The following ATP23 variants were observed in gnomAD, a reference collection of about 807,000 sequenced individuals.
ATP23 encodes the protein ATP23 metallopeptidase and ATP synthase assembly factor homolog.
In ATP23, 24 loss-of-function variants were observed where a neutral mutation model predicts 28.5. The observed-to-expected ratio is 0.84, with a 90% CI of 0.61 to 1.18. The LOEUF (loss-of-function observed/expected upper bound fraction) is 1.18. ATP23 is among the 50% of genes most tolerant of loss of function. The pLI is 0.00. For missense variants in ATP23, 274 were observed against 306.4 expected, an observed-to-expected ratio of 0.89 and a Z score of 0.79; for synonymous variants, 99 against 108.6, an observed-to-expected ratio of 0.91 and a Z score of 0.55.
intron 4 of ATP23, 96 bp downstream of exon 4, chr12:57,951,991 G>A (rs1956820813): frequency 1.4e-6 from 2 of 1,473,360 alleles, no homozygotes; most frequent in Admixed American, 3.8e-5. Flanking sequence ...TACTGTCATA[G>A]TTCTACCTTA....
chr12:57,952,419 C>A (rs1331236329), intron 4 of ATP23, among the ~76,000 whole-genome samples: 20 of 152,120 alleles, frequency 1.3e-4, no homozygotes, highest in Non-Finnish European at 1.5e-5. Flanking sequence ...AACTAGCTTG[C>A]CCAGCTGCCT....
intron 1 of ATP23, among the ~76,000 whole-genome samples, chr12:57,944,380 A>G (rs781734553): frequency 3.9e-5 from 6 of 152,030 alleles, no homozygotes; most frequent in Non-Finnish European, 8.8e-5. Flanking sequence ...GTGCATTTAT[A>G]TTCTCAGACA....
chr12:57,947,334 A>G (rs1236639599), intron 3 of ATP23, among the ~76,000 whole-genome samples: 5 of 152,334 alleles, frequency 3.3e-5, no homozygotes, highest in South Asian at 2.1e-4. Context: ...GGTTACCACA[A>G]TGGAACAGTG....
At chr12:57,954,687 C>G (rs1395916101) in intron 5 of ATP23, among the ~76,000 whole-genome samples, 4 of 152,070 alleles carry the variant, frequency 2.6e-5, no homozygotes, top group Non-Finnish European at 5.9e-5. Flanking sequence ...CAGTCATTTT[C>G]TACAGTAAGA....
At chr12:57,951,396 G>C (rs552101232) in intron 3 of ATP23, among the ~76,000 whole-genome samples, 1 of 152,298 alleles carries the variant, frequency 6.6e-6, no homozygotes, top group South Asian at 2.1e-4. Context: ...GCTGGAATTT[G>C]AATCTGTGTG....
At chr12:57,956,465 GAGA>G (rs1163518474) in intron 5 of ATP23, among the ~76,000 whole-genome samples, 2 of 152,162 alleles carry the variant, frequency 1.3e-5, no homozygotes, top group African/African-American at 4.8e-5. Context: ...TGAGAAAATG[GAGA>G]AGGTCTTACT....
At chr12:57,950,212 A>G (rs1383215471) in intron 3 of ATP23, among the ~76,000 whole-genome samples, 2 of 152,178 alleles carry the variant, frequency 1.3e-5, no homozygotes, top group Admixed American at 1.3e-4. Flanking sequence ...CTTTATCCTG[A>G]GAGCTTCCCA....
intron 1 of ATP23, among the ~76,000 whole-genome samples, chr12:57,942,527 C>T (rs1017188094): frequency 3.9e-5 from 6 of 151,974 alleles, no homozygotes; most frequent in East Asian, 1.9e-4. Flanking sequence ...GGGTTCACGC[C>T]GTTCTCCTGC....
intron 4 of ATP23, among the ~76,000 whole-genome samples, chr12:57,952,721 A>G (rs1592279162): frequency 1.3e-5 from 2 of 152,184 alleles, no homozygotes; most frequent in Admixed American, 1.3e-4. Context: ...CTGAAACCTG[A>G]ATTTTTAAAT....
At chr12:57,944,319 T>G (rs1419024531) in intron 1 of ATP23, among the ~76,000 whole-genome samples, 1 of 152,224 alleles carries the variant, frequency 6.6e-6, no homozygotes, top group Non-Finnish European at 1.5e-5. Flanking sequence ...ACATTTTTTT[T>G]AAACCTTAGT....
In ATP23 at chr12:57,958,396, G is replaced by C. The variant is rs1164176453; in HGVS notation, c.*1506G>C. On this transcript the variant is annotated 3_prime_UTR_variant, in exon 6 of 6. Transcript: ENST00000300145. ...ATACTACCACAACTGATGCTCTCTGGAAAGCGCTACCTCCTGGCAGGAGGC... is the reference window on the plus strand; with the variant it reads ...ATACTACCACAACTGATGCTCTCTGCAAAGCGCTACCTCCTGGCAGGAGGC... Among the ~76,000 whole-genome samples the C allele has an allele frequency of 6.6e-6, 1 of 152,146 alleles. No individual in the cohort carries two copies. The highest frequency in any genetic ancestry group is 1.9e-4 in the East Asian group (1 of 5,190).
At chr12:57,953,976 C>T (rs905461307) in intron 5 of ATP23, among the ~76,000 whole-genome samples, 17 of 151,908 alleles carry the variant, frequency 1.1e-4, no homozygotes, top group African/African-American at 2.2e-4. Context: ...GGGCGGATCA[C>T]GAGGTCAGGA....
chr12:57,953,742 A>G lies in ATP23; in HGVS notation c.537+53A>G. 4 of 1,447,186 alleles carry G rather than the reference A, an allele frequency of 2.8e-6. No individual in the cohort carries two copies. The South Asian group carries it at 4.6e-5, about 17-fold the overall frequency. The allele number at this position is 1,447,186 out of a possible 1,614,324, so 89.6% of individuals were successfully genotyped here. A position where few individuals can be genotyped will look rare whatever the true frequency, so the allele number is the denominator to read the frequency against. ...CTCCAGAGTGTTACGAGTGGAAATA[A>G]TGAATAAAGAAATGAAAAGTACATT... On this transcript the variant is annotated intron_variant, in intron 5 of 5. Transcript: ENST00000300145.
At chr12:57,946,426 G>A (rs1956761222) in intron 2 of ATP23, among the ~76,000 whole-genome samples, 2 of 151,070 alleles carry the variant, frequency 1.3e-5, no homozygotes, top group African/African-American at 4.9e-5. Context: ...CTTGCAATAT[G>A]GCCATAATCA....
chr12:57,946,100 A>C (rs1956757993), intron 2 of ATP23, among the ~76,000 whole-genome samples: 1 of 152,060 alleles, frequency 6.6e-6, no homozygotes, highest in African/African-American at 2.4e-5. Flanking sequence ...TCCTGTCCTC[A>C]AGTGATCCAC....
chr12:57,954,473 T>C (rs985031723), intron 5 of ATP23, among the ~76,000 whole-genome samples: 12 of 152,170 alleles, frequency 7.9e-5, no homozygotes, highest in African/African-American at 2.9e-4. Context: ...GACTTGAGTA[T>C]GATGAGCTTA....
rs990458809 is a variant in ATP23 at position 57,958,152 on chromosome 12, C to T, written c.*1262C>T. Among the ~76,000 whole-genome samples the T allele has an allele frequency of 6.6e-6, 1 of 152,094 alleles. No homozygotes were observed. Among genetic ancestry groups the T allele is most frequent in the African/African-American group, 2.4e-5 (1 of 41,418 alleles). On this transcript the variant is annotated 3_prime_UTR_variant, in exon 6 of 6. Coordinates refer to ENST00000300145, the MANE Select transcript of ATP23 (RefSeq NM_033276.4). The stretch of plus-strand genomic sequence containing the variant: ...GACAACCTGCATGACTCCCCAGAGG[C>T]AGTCATAATCCTCCTAGGGACACAA...
At position 57,951,852 on chromosome 12, in the gene ATP23, A is replaced by T; in HGVS notation, c.410A>T (p.His137Leu). The change falls in exon 4 of 6, where the codon CAT (histidine) becomes CTT (leucine). Residue 137 changes from histidine to leucine, a missense_variant. Transcript: ENST00000300145. ...CATGCATTTGATCATTGTCGTGCCC[A>T]TGTCGACTGGTTCACCAACATCAGA... ...LIHAFDHCRA[H>L]VDWFTNIRHL... is the part of the protein sequence containing the mutation. 1 of 1,614,182 alleles carries T rather than the reference A, an allele frequency of 6.2e-7. No homozygotes were observed. Among genetic ancestry groups the T allele is most frequent in the South Asian group, 1.1e-5 (1 of 91,086 alleles).
At chr12:57,949,018 C>T (rs1956790712) in intron 3 of ATP23, among the ~76,000 whole-genome samples, 1 of 152,142 alleles carries the variant, frequency 6.6e-6, no homozygotes, top group Non-Finnish European at 1.5e-5. Context: ...TATTTCGTTT[C>T]CCTGTTATAT....
Sources: gnomAD v4.1 joint callset for allele counts (sites outside exome capture counted in the v4.1 genomes callset) on GRCh38, gnomAD v4.1.1 for gene constraint, MANE v1.5 for transcripts, NCBI Gene and HGNC (gene_info 2026-07-23, HGNC 2026-07-21) for gene names.